Variants in TAFA5 observed in about 807,000 individuals in gnomAD.
The protein encoded by TAFA5 is chemokine-like protein TAFA-5.
Under a neutral mutation model 15.3 loss-of-function variants are expected in TAFA5, and 6 were observed. The observed-to-expected ratio is 0.39, with a 90% CI of 0.21 to 0.77. The LOEUF is 0.77. Among genes scored for constraint, TAFA5 ranks in the 30% least tolerant of loss-of-function variants. The pLI is 0.41. For synonymous variants in TAFA5, 103 were observed against 80.7 expected (o/e 1.28, Z -1.48); for missense variants, 161 against 193.1 (o/e 0.83, Z 0.98).
At chr22:48,738,938 A>G (rs1466657938) in intron 3 of TAFA5, among the ~76,000 whole-genome samples, 1 of 152,108 alleles carries the variant, frequency 6.6e-6, no homozygotes, top group East Asian at 1.9e-4. Flanking sequence ...TCCTTTCACC[A>G]CTGGATTATA....
At chr22:48,593,521 G>A (rs1037080955) in intron 1 of TAFA5, among the ~76,000 whole-genome samples, 8 of 152,156 alleles carry the variant, frequency 5.3e-5, no homozygotes, top group African/African-American at 9.7e-5. Context: ...GGCTGGGGTC[G>A]GGGATTAGGG....
intron 1 of TAFA5, among the ~76,000 whole-genome samples, chr22:48,578,379 C>G (rs1298199575): frequency 2.0e-5 from 3 of 152,226 alleles, no homozygotes; most frequent in Non-Finnish European, 4.4e-5. Flanking sequence ...TGCTGTCCCC[C>G]TGAGGCTCCA....
At chr22:48,499,209 A>C (rs1920940414) in intron 1 of TAFA5, among the ~76,000 whole-genome samples, 1 of 152,152 alleles carries the variant, frequency 6.6e-6, no homozygotes, top group African/African-American at 2.4e-5. Flanking sequence ...ATTTCTCCGC[A>C]TTTCACATGT....
rs12158078 is a variant in TAFA5, at chr22:48,632,403, T to C, written c.113-14194T>C. The stretch of plus-strand genomic sequence containing the variant: ...GAGTAAGAAACCAAGGCCACTGTCC[T>C]TGCTTTGCCCCGACCCCTTTGGTGC... On this transcript the variant is annotated intron_variant, in intron 1 of 3. Transcript: ENST00000402357. Among the ~76,000 whole-genome samples, 393 of 151,558 alleles carry C rather than the reference T, an allele frequency of 2.6e-3. 3 individuals are homozygous for C. Among genetic ancestry groups the C allele is most frequent in the African/African-American group, 9.1e-3 (372 of 40,826 alleles).
chr22:48,638,874 C>T (rs1485125432), intron 1 of TAFA5, among the ~76,000 whole-genome samples: 1 of 135,926 alleles, frequency 7.4e-6, no homozygotes, highest in Non-Finnish European at 1.5e-5. Flanking sequence ...AGCCCTGGGA[C>T]ACCGCACACA....
At chr22:48,709,063 A>C (rs778848748) in intron 3 of TAFA5, among the ~76,000 whole-genome samples, 9 of 152,062 alleles carry the variant, frequency 5.9e-5, no homozygotes, top group Non-Finnish European at 1.2e-4. Flanking sequence ...GCAAGGCGGC[A>C]CTCCAAGCCC....
At chr22:48,732,615 A>G (rs13058052) in intron 3 of TAFA5, among the ~76,000 whole-genome samples, 31,371 of 152,194 alleles carry the variant, frequency 0.21, 3,513 homozygotes, top group Admixed American at 0.31. Flanking sequence ...CATTGTGGAA[A>G]TGATGACATA....
At position 48,604,500 on chromosome 22, in the gene TAFA5, G is replaced by C. The variant is rs568267819; in HGVS notation, c.113-42097G>C. On this transcript the variant is annotated intron_variant, in intron 1 of 3. Transcript: ENST00000402357. The stretch of plus-strand genomic sequence containing the variant: ...GGAAGACCTGGGCTGGCATCCACTG[G>C]ATTTGCCCAGGCCCCTGTGGTGCTA... 1.2e-4 allele frequency among the ~76,000 whole-genome samples: 19 copies of C among 152,352 alleles called. No homozygotes were observed. The South Asian group carries it at 3.5e-3, about 28-fold the overall frequency.
In TAFA5 at chr22:48,698,572, G is replaced by A. The variant is rs1268157702; in HGVS notation, c.263-9145G>A. On this transcript the variant is annotated intron_variant, in intron 2 of 3. Transcript: ENST00000402357. ...TGGGAGGGATGCCAGTGCCATGCAG[G>A]GAGGCTGACCTGAGTGGGGCACATT... is the stretch of plus-strand genomic sequence containing the variant. Among the ~76,000 whole-genome samples the A allele has an allele frequency of 3.1e-5, 4 of 129,106 alleles. No individual in the cohort carries two copies. The East Asian group carries it at 9.3e-4, about 30-fold the overall frequency. 84.7% of individuals were successfully genotyped at this position (129,106 alleles called of 152,430 possible).
intron 1 of TAFA5, among the ~76,000 whole-genome samples, chr22:48,589,887 G>A (rs1924498163): frequency 6.6e-6 from 1 of 152,132 alleles, no homozygotes; most frequent in Non-Finnish European, 1.5e-5. Context: ...AGAAACTCCT[G>A]TTTTTAAGCC....
chr22:48,743,402 C>T (rs1045038788), intron 3 of TAFA5, among the ~76,000 whole-genome samples: 2 of 152,220 alleles, frequency 1.3e-5, no homozygotes, highest in Non-Finnish European at 2.9e-5. Context: ...TTCCTTCTCC[C>T]TGTAAGGGAG....
chr22:48,655,830 C>CTTTTTTTTGT (rs1927218199), intron 2 of TAFA5, among the ~76,000 whole-genome samples: 1 of 62,410 alleles, frequency 1.6e-5, no homozygotes. Context: ...AACACTGATT[C>CTTTTTTTTGT]TTTTTTTTTT....
At chr22:48,525,174 C>T (rs1478710969) in intron 1 of TAFA5, among the ~76,000 whole-genome samples, 1 of 152,178 alleles carries the variant, frequency 6.6e-6, no homozygotes, top group African/African-American at 2.4e-5. Flanking sequence ...TAAAAACGTC[C>T]CTTTGCCATG....
intron 1 of TAFA5, among the ~76,000 whole-genome samples, chr22:48,555,351 C>T (rs1922997915): frequency 6.6e-6 from 1 of 152,214 alleles, no homozygotes; most frequent in Non-Finnish European, 1.5e-5. Flanking sequence ...CCCTGTCTCA[C>T]CAGCAGAGCA....
chr22:48,608,237 C>G (rs1000378699), intron 1 of TAFA5, among the ~76,000 whole-genome samples: 1 of 150,016 alleles, frequency 6.7e-6, no homozygotes, highest in Non-Finnish European at 1.5e-5. Flanking sequence ...TTAGGAAATA[C>G]AGAAACACCT....
intron 1 of TAFA5, among the ~76,000 whole-genome samples, chr22:48,501,741 G>T (rs190302565): frequency 1.1e-3 from 167 of 152,310 alleles, no homozygotes; most frequent in Admixed American, 1.9e-3. Flanking sequence ...AGGCCCCAGG[G>T]GTGTGGCGGA....
chr22:48,608,292 C>T (rs957575735), intron 1 of TAFA5, among the ~76,000 whole-genome samples: 1 of 152,202 alleles, frequency 6.6e-6, no homozygotes, highest in Non-Finnish European at 1.5e-5. Flanking sequence ...TCTCGCTATC[C>T]AGCACCGTAG....
At chr22:48,652,967 T>TG (rs1927108450) in intron 2 of TAFA5, among the ~76,000 whole-genome samples, 1 of 152,172 alleles carries the variant, frequency 6.6e-6, no homozygotes, top group African/African-American at 2.4e-5. Context: ...CCTCATGGCT[T>TG]GGGGTCCGTG....
At chr22:48,695,037 T>C (rs1028472026) in intron 2 of TAFA5, among the ~76,000 whole-genome samples, 1 of 151,948 alleles carries the variant, frequency 6.6e-6, no homozygotes, top group Non-Finnish European at 1.5e-5. Flanking sequence ...GTGTCAGGAC[T>C]TACTGCCTGT....
Sources: allele counts gnomAD v4.1 joint callset (sites outside exome capture counted in the v4.1 genomes callset), GRCh38; gene constraint gnomAD v4.1.1; transcripts MANE v1.5; gene names NCBI Gene and HGNC (gene_info 2026-07-23, HGNC 2026-07-21).